VCP: variants seen among roughly 807,000 people sequenced by gnomAD.
VCP encodes the protein valosin containing protein, also known as transitional endoplasmic reticulum ATPase.
VCP carries 6 observed loss-of-function variants against 85.7 expected under a neutral mutation model. The ratio of observed to expected loss-of-function variants is 0.07; its 90% CI spans 0.04 to 0.14. The LOEUF (loss-of-function observed/expected upper bound fraction) is 0.14. Ranked by LOEUF, VCP falls within the 10% of genes least tolerant of loss-of-function variation. The pLI, the probability that VCP is intolerant of heterozygous loss-of-function variation, is 1.00. For synonymous variants in VCP, 384 were observed against 367.1 expected (o/e 1.05, Z -0.53); for missense variants, 353 against 1,043.4 (o/e 0.34, Z 9.12).
intron 6 of VCP, 97 bp from the exon 7 acceptor site, chr9:35,063,177 A>G: frequency 9.4e-7 from 1 of 1,062,400 alleles, no homozygotes; most frequent in South Asian, 1.3e-5. Flanking sequence ...TCAGGCTTCA[A>G]CCCTGACAAT....
At chr9:35,065,796 G>A (rs1828816810) in intron 4 of VCP, among the ~76,000 whole-genome samples, 1 of 152,184 alleles carries the variant, frequency 6.6e-6, no homozygotes, top group African/African-American at 2.4e-5. Context: ...TGGAGCAAAG[G>A]AAGGATGGAG....
chr9:35,061,291 T>C, intron 10 of VCP, 112 bp from the exon 11 acceptor site: 1 of 1,413,790 alleles, frequency 7.1e-7, no homozygotes, highest in Non-Finnish European at 9.9e-7. Context: ...TCTCATTTCC[T>C]TGAATATATA....
At chr9:35,058,932 T>C (rs1587119372) in intron 15 of VCP, 132 bp downstream of exon 15, 1 of 1,253,274 alleles carries the variant, frequency 8.0e-7, no homozygotes, top group Non-Finnish European at 1.1e-6. Flanking sequence ...TTCTTTATCT[T>C]TGATGCCCTA....
At position 35,057,474 on chromosome 9, in the gene VCP, G is replaced by C. The variant is rs753820642; in HGVS notation, c.2217C>G (p.Ala739=). The C allele has an allele frequency of 1.9e-6, 3 of 1,614,052 alleles. No individual in the cohort carries two copies. The South Asian group carries it at 3.3e-5, about 18-fold the overall frequency. The change falls in exon 16 of 17, where the codon GCC becomes GCG. Residue 739 remains alanine (A), a synonymous_variant. Transcript: ENST00000358901. The stretch of plus-strand genomic sequence containing the variant: ...TGACAGAACGGCGCGCAAAGCGCAT[G>C]GCTTCTTCAAAGTGATCTCGACGGA... ...PEIRRDHFEE[A]MRFARRSVSD...
intron 6 of VCP, 91 bp from the exon 7 acceptor site, chr9:35,063,171 G>C: frequency 1.8e-6 from 2 of 1,128,170 alleles, no homozygotes; most frequent in Non-Finnish European, 2.7e-6. Context: ...TGAGAATCAG[G>C]CTTCAACCCT....
intron 6 of VCP, among the ~76,000 whole-genome samples, chr9:35,063,505 G>C (rs1212894018): frequency 1.3e-5 from 2 of 152,232 alleles, no homozygotes; most frequent in African/African-American, 4.8e-5. Context: ...ATGCCCTCCA[G>C]AATTTATCAC....
At chr9:35,068,214 T>A in intron 2 of VCP, 37 bp downstream of exon 2, 1 of 1,608,474 alleles carries the variant, frequency 6.2e-7, no homozygotes, top group Non-Finnish European at 8.5e-7. Flanking sequence ...CTCAAGTAAG[T>A]GCAGTAAGGA....
Position 35,072,526 on chromosome 9 carries a change from G to A in VCP, c.-173C>T. On this transcript the variant is annotated 5_prime_UTR_variant, in exon 1 of 17. Coordinates refer to ENST00000358901, the MANE Select transcript of VCP (RefSeq NM_007126.5). ...CCTCCCACCGGCAGCGAGGCGTCGG[G>A]CGAACAACGCTGGCTCCTGATCCGC... 1 of 794,778 alleles carries A rather than the reference G, an allele frequency of 1.3e-6. No individual in the cohort carries two copies. The highest frequency in any genetic ancestry group is 1.8e-6 in the Non-Finnish European group (1 of 557,254). 49.2% of individuals were successfully genotyped at this position (794,778 alleles called of 1,614,324 possible). A position where few individuals can be genotyped will look rare whatever the true frequency, so the allele number is the denominator to read the frequency against.
At chr9:35,069,004 A>G (rs1358114590) in intron 1 of VCP, among the ~76,000 whole-genome samples, 2 of 152,174 alleles carry the variant, frequency 1.3e-5, no homozygotes, top group Non-Finnish European at 2.9e-5. Context: ...ACCTCCCTTG[A>G]GGCTCAGGGA....
rs1828613014 is a variant in VCP at position 35,056,684 on chromosome 9, AT to A, written c.*432del. 1 of 254,796 alleles carries A rather than the reference AT, an allele frequency of 3.9e-6. No homozygotes were observed. The highest frequency in any genetic ancestry group is 2.2e-5 in the African/African-American group (1 of 45,496). 15.8% of individuals were successfully genotyped at this position (254,796 alleles called of 1,614,324 possible). On this transcript the variant is annotated 3_prime_UTR_variant, in exon 17 of 17. Transcript: ENST00000358901. ...TGTAAAATAAATCAACCTACTCTCTATATAAACATCCAGCAACTGTGGCCCC... is the reference window on the plus strand; with the variant it reads ...TGTAAAATAAATCAACCTACTCTCTAATAAACATCCAGCAACTGTGGCCCC...
At chr9:35,065,869 A>G (rs938888714) in intron 4 of VCP, among the ~76,000 whole-genome samples, 8 of 152,198 alleles carry the variant, frequency 5.3e-5, no homozygotes, top group African/African-American at 1.4e-4. Context: ...GTATACAAAT[A>G]TATGAAAATG....
intron 6 of VCP, among the ~76,000 whole-genome samples, chr9:35,063,404 T>C (rs1005487753): frequency 1.3e-5 from 2 of 152,206 alleles, no homozygotes; most frequent in Non-Finnish European, 2.9e-5. Flanking sequence ...GGCTCAATTT[T>C]AGACAGACCA....
intron 1 of VCP, among the ~76,000 whole-genome samples, chr9:35,070,852 A>C (rs1828926397): frequency 6.6e-6 from 1 of 152,152 alleles, no homozygotes; most frequent in African/African-American, 2.4e-5. Flanking sequence ...TAAAGCCTCT[A>C]ATTCCCCATC....
At chr9:35,065,527 A>G in intron 4 of VCP, 146 bp from the exon 5 acceptor site, 1 of 1,058,864 alleles carries the variant, frequency 9.4e-7, no homozygotes, top group Non-Finnish European at 1.4e-6. Context: ...ACTCCACCCC[A>G]CCTGTCTTAA....
Position 35,057,319 on chromosome 9 carries a change from T to C in VCP, c.2315+57A>G. ...TAGCTTCCTTAGGACTCCCATCCCT[T>C]TTGGTGTAGGTCCCCAAAGTAACTT... On this transcript the variant is annotated intron_variant, in intron 16 of 16. Coordinates refer to ENST00000358901, the MANE Select transcript of VCP (RefSeq NM_007126.5). 4 of 1,614,094 alleles carry C rather than the reference T, an allele frequency of 2.5e-6. No homozygotes were observed. The South Asian group carries it at 3.3e-5, about 13-fold the overall frequency.
At chr9:35,070,857 C>G (rs1366817852) in intron 1 of VCP, among the ~76,000 whole-genome samples, 1 of 152,166 alleles carries the variant, frequency 6.6e-6, no homozygotes, top group Non-Finnish European at 1.5e-5. Flanking sequence ...CCTCTAATTC[C>G]CCATCTACCT....
At chr9:35,058,072 G>A (rs939540191) in intron 15 of VCP, among the ~76,000 whole-genome samples, 1 of 152,026 alleles carries the variant, frequency 6.6e-6, no homozygotes, top group Non-Finnish European at 1.5e-5. Context: ...CCTACTACTA[G>A]AGCACATTAT....
chr9:35,060,659 C>T (rs1828703678), intron 12 of VCP, 134 bp from the exon 13 acceptor site: 2 of 1,540,970 alleles, frequency 1.3e-6, no homozygotes, highest in East Asian at 2.2e-5. Context: ...AAGAAGACTC[C>T]TTAGTGCCTC....
chr9:35,058,992 C>T lies in VCP; in HGVS notation c.2160+72G>A, dbSNP rs1215890553. ...TCTTTCCAACAGCTTCTACTCTCAA[C>T]TCCAGGGCATGGTGGTGGCTGCTGC... On this transcript the variant is annotated intron_variant, in intron 15 of 16. Transcript: ENST00000358901. The T allele has an allele frequency of 3.1e-6, 5 of 1,601,456 alleles. No individual in the cohort carries two copies. The East Asian group carries it at 8.9e-5, about 29-fold the overall frequency.
Sources: allele counts gnomAD v4.1 joint callset (sites outside exome capture counted in the v4.1 genomes callset), GRCh38; gene constraint gnomAD v4.1.1; transcripts MANE v1.5; gene names NCBI Gene and HGNC (gene_info 2026-07-23, HGNC 2026-07-21).